The following MAST3 variants were observed in gnomAD, a reference collection of about 807,000 sequenced individuals.
MAST3 encodes microtubule associated serine/threonine kinase 3, also known as microtubule-associated serine/threonine-protein kinase 3.
In MAST3, 43 loss-of-function variants were observed where a neutral mutation model predicts 127.0. The ratio of observed to expected loss-of-function variants is 0.34; its 90% confidence interval spans 0.27 to 0.44. MAST3 has a LOEUF of 0.44. Ranked by LOEUF, MAST3 falls within the 20% of genes least tolerant of loss-of-function variation. The probability of loss-of-function intolerance (pLI) is 1.00; values close to 1 mark genes in which losing one functional copy is unlikely to be tolerated. For missense variants in MAST3, 1,390 were observed against 1,919.1 expected (o/e 0.72, Z 5.15); for synonymous variants, 785 against 809.2 (o/e 0.97, Z 0.51).
chr19:18,122,419 G>A (rs2040106373), intron 5 of MAST3, among the ~76,000 whole-genome samples: 1 of 149,646 alleles, frequency 6.7e-6, no homozygotes, highest in Non-Finnish European at 1.5e-5. Context: ...TGCCCCAGAA[G>A]CTACAGCTCA....
At chr19:18,137,388 G>A (rs574527821) in intron 19 of MAST3, 27 bp downstream of exon 19, 4 of 1,605,178 alleles carry the variant, frequency 2.5e-6, no homozygotes, top group Non-Finnish European at 2.6e-6. Flanking sequence ...CTGGAGGGGG[G>A]GCGGGGGGTG....
intron 5 of MAST3, 41 bp from the exon 6 acceptor site, chr19:18,122,632 G>C (rs761323593): frequency 1.3e-6 from 2 of 1,564,382 alleles, no homozygotes; most frequent in African/African-American, 2.7e-5. Context: ...AAACCACAGG[G>C]GCCAGGCCTT....
intron 20 of MAST3, among the ~76,000 whole-genome samples, chr19:18,139,559 A>T (rs1204995357): frequency 6.6e-6 from 1 of 152,032 alleles, no homozygotes; most frequent in African/African-American, 2.4e-5. Context: ...TCCTGACCTC[A>T]GGCTATCCTC....
chr19:18,131,882 T>G, intron 14 of MAST3, 27 bp from the exon 15 acceptor site: 2 of 1,550,938 alleles, frequency 1.3e-6, no homozygotes, highest in South Asian at 1.2e-5. Context: ...GCCCCGGGCC[T>G]CATGACTACA....
In MAST3 at chr19:18,112,713, C is replaced by T. The variant is rs2038773573; in HGVS notation, c.161+1972C>T. On this transcript the variant is annotated intron_variant, in intron 3 of 27. Coordinates refer to ENST00000687212, the MANE Select transcript of MAST3 (RefSeq NM_001393504.1). This position sits in a 1 kb window ranked among gnomAD's most constrained non-coding sequence, Gnocchi z 4.1. ...CTTGAACTCCTGACCTCAGGTGATC[C>T]ACCCGCCTTGGCTTCCCAAAGTGCT... Among the ~76,000 whole-genome samples, 1 of 151,966 alleles carries T rather than the reference C, an allele frequency of 6.6e-6. No individual in the cohort carries two copies. The highest frequency in any genetic ancestry group is 2.4e-5 in the African/African-American group (1 of 41,380).
chr19:18,098,434 G>C (rs1441441375), intron 1 of MAST3, among the ~76,000 whole-genome samples: 2 of 152,112 alleles, frequency 1.3e-5, no homozygotes, highest in Non-Finnish European at 2.9e-5. Context: ...GTGTGACCTG[G>C]GGGGAGGGCA....
In MAST3 at chr19:18,144,369, C is replaced by A; in HGVS notation, c.2585-97C>A. ...CATGAGCAAAGGCCAGGAGGCTGGACTGTGTAAATAGTGACCAGGGAGGAA... is the reference window on the plus strand; with the variant it reads ...CATGAGCAAAGGCCAGGAGGCTGGAATGTGTAAATAGTGACCAGGGAGGAA... On this transcript the variant is annotated intron_variant, in intron 22 of 27. Transcript: ENST00000687212. This position sits in a 1 kb window ranked among gnomAD's most constrained non-coding sequence, Gnocchi z 4.0. 2.9e-6 allele frequency: 3 copies of A among 1,049,650 alleles called. No homozygotes were observed. The highest frequency in any genetic ancestry group is 1.6e-5 in the African/African-American group (1 of 63,522). 65.0% of individuals were successfully genotyped at this position (1,049,650 alleles called of 1,614,324 possible).
rs1281921056 is a variant in MAST3 at position 18,130,542 on chromosome 19, C to T, written c.1272C>T (p.Ile424=). The stretch of plus-strand genomic sequence containing the variant: ...GTGACACACGGCAGCGCTTTGCCAT[C>T]AAGAAGATCAACAAACAGAACTTGA... ...RHRDTRQRFA[I]KKINKQNLIL... Residue 424 remains isoleucine (I), a synonymous_variant, in exon 14 of 28, where the codon ATC becomes ATT. Coordinates refer to ENST00000687212, the MANE Select transcript of MAST3 (RefSeq NM_001393504.1). 8.1e-6 allele frequency: 13 copies of T among 1,611,528 alleles called. No homozygotes were observed. The highest frequency in any genetic ancestry group is 1.0e-5 in the Non-Finnish European group (12 of 1,178,784).
rs373110005 is a variant in MAST3 at position 18,130,455 on chromosome 19, C to T, written c.1224-39C>T. On this transcript the variant is annotated intron_variant, in intron 13 of 27. Transcript: ENST00000687212. ...TGAGCTGTAGTGCCTGCTGGGGCCT[C>T]GATCTCCGGTCCCAGCAAGCCTGGC... 546 of 1,541,566 alleles carry T rather than the reference C, an allele frequency of 3.5e-4. 6 individuals carry two copies. In the South Asian group the frequency reaches 3.9e-3, roughly 11 times the overall value.
intron 19 of MAST3, among the ~76,000 whole-genome samples, 178 bp from the exon 20 acceptor site, chr19:18,138,837 G>C (rs1423935710): frequency 6.6e-6 from 1 of 152,146 alleles, no homozygotes; most frequent in Non-Finnish European, 1.5e-5. Context: ...TTGATCCCCA[G>C]ATATCTGCTC....
intron 3 of MAST3, among the ~76,000 whole-genome samples, chr19:18,111,552 T>TTTTTTTGG (rs2038638116): frequency 7.2e-6 from 1 of 137,934 alleles, no homozygotes; most frequent in African/African-American, 2.5e-5. Flanking sequence ...TTTTTTTTTT[T>TTTTTTTGG]GAGGCAGAGT....
At chr19:18,134,541 GC>G in intron 15 of MAST3, 37 bp from the exon 16 acceptor site, 2 of 1,574,400 alleles carry the variant, frequency 1.3e-6, no homozygotes, top group Non-Finnish European at 1.7e-6. Context: ...AGGCACCCCA[GC>G]CCCCCAGCTC....
chr19:18,139,096 T>A lies in MAST3; in HGVS notation c.2177T>A (p.Phe726Tyr). The part of the protein sequence containing the change: ...DEESSTEIPQ[F>Y]SSCSHRFSKV... ...GAATCGTCCACAGAGATCCCCCAGT[T>A]CTCCTCCTGCTCCCACCGGTTCAGC... The change falls in exon 20 of 28, where the codon TTC (phenylalanine) becomes TAC (tyrosine). Residue 726 changes from phenylalanine (F) to tyrosine (Y), a missense_variant. Coordinates refer to ENST00000687212, the MANE Select transcript of MAST3 (RefSeq NM_001393504.1). 6.2e-7 allele frequency: 1 copy of A among 1,603,450 alleles called. No homozygotes were observed.
chr19:18,126,421 A>G (rs2040625916), intron 11 of MAST3, among the ~76,000 whole-genome samples: 2 of 152,134 alleles, frequency 1.3e-5, no homozygotes, highest in African/African-American at 4.8e-5. Flanking sequence ...CAGCATAGGC[A>G]TAGACCCTAA....
rs1483972841 is a variant in MAST3 at position 18,146,869 on chromosome 19, T to A, written c.3163-12T>A. On this transcript the variant is annotated splice_polypyrimidine_tract_variant and intron_variant, in intron 25 of 27. Transcript: ENST00000687212. The stretch of plus-strand genomic sequence containing the variant: ...GAGGCACAGAGGCAACCCCTCACCA[T>A]CCCTCCCGCAGAGCGGCAACAAGAT... The A allele has an allele frequency of 1.3e-6, 2 of 1,542,578 alleles. No individual in the cohort carries two copies. Among genetic ancestry groups the A allele is most frequent in the Non-Finnish European group, 8.8e-7 (1 of 1,140,496 alleles).
At chr19:18,113,607 T>C (rs1365867626) in intron 3 of MAST3, among the ~76,000 whole-genome samples, 16 of 152,086 alleles carry the variant, frequency 1.1e-4, no homozygotes, top group Non-Finnish European at 2.2e-4. Flanking sequence ...ATTACAGGCA[T>C]CTGCCACCAC....
intron 20 of MAST3, among the ~76,000 whole-genome samples, chr19:18,139,401 CGCAACCTCT>C (rs2042210399): frequency 1.3e-5 from 2 of 151,876 alleles, no homozygotes; most frequent in African/African-American, 2.4e-5. Context: ...CTCGGCTCAC[CGCAACCTCT>C]GCCTTCCAGG....
chr19:18,111,209 C>T (rs1333446245), intron 3 of MAST3, among the ~76,000 whole-genome samples: 1 of 152,082 alleles, frequency 6.6e-6, no homozygotes. Context: ...GCTCCCTAAC[C>T]CTTTCCTGAT....
In MAST3 at chr19:18,110,427, T is replaced by TC. The variant is rs2038459975; in HGVS notation, c.72-219dup. On this transcript the variant is annotated intron_variant, in intron 2 of 27. Coordinates refer to ENST00000687212, the MANE Select transcript of MAST3 (RefSeq NM_001393504.1). The surrounding 1 kb of genome is among the most constrained non-coding windows in gnomAD (Gnocchi z 4.3). ...AGGGAGGACAGGATGACAACTACCC[T>TC]CCCCCCACGTCTCTGTTCGTGTCGC... 17 of 981,936 alleles carry TC rather than the reference T, an allele frequency of 1.7e-5. No homozygotes were observed. In the South Asian group the frequency reaches 7.5e-4, roughly 44 times the overall value. The allele number at this position is 981,936 out of a possible 1,614,324, so 60.8% of individuals were successfully genotyped here.
Sources: gnomAD v4.1 joint callset for allele counts (sites outside exome capture counted in the v4.1 genomes callset) on GRCh38, gnomAD v4.1.1 for gene constraint, Gnocchi (gnomAD v3.1) non-coding constraint, MANE v1.5 for transcripts, NCBI Gene and HGNC (gene_info 2026-07-23, HGNC 2026-07-21) for gene names.